Variants in SREBF2 observed in about 807,000 individuals in gnomAD.
The protein encoded by SREBF2 is sterol regulatory element-binding protein 2.
Under a neutral mutation model 113.1 loss-of-function variants are expected in SREBF2, and 55 were observed. The ratio of observed to expected loss-of-function variants is 0.49; its 90% CI spans 0.39 to 0.61. The LOEUF is 0.61. Among genes scored for constraint, SREBF2 ranks in the 20% least tolerant of loss-of-function variants. SREBF2 has a pLI of 0.00. For missense variants in SREBF2, 1,349 were observed against 1,487.4 expected (o/e 0.91, Z 1.53); for synonymous variants, 593 against 605.7 (o/e 0.98, Z 0.31).
chr22:41,840,631 G>C (rs924311372), intron 1 of SREBF2, among the ~76,000 whole-genome samples: 1 of 152,178 alleles, frequency 6.6e-6, no homozygotes, highest in South Asian at 2.1e-4. Context: ...TTTTATGTCA[G>C]AATTTTGAAG....
intron 4 of SREBF2, 21 bp downstream of exon 4, chr22:41,871,056 C>G (rs773022201): frequency 1.7e-5 from 28 of 1,613,846 alleles, no homozygotes; most frequent in African/African-American, 1.3e-4. Flanking sequence ...CCTTCTCCCC[C>G]ACCCTCCTCC....
At position 41,866,929 on chromosome 22, in the gene SREBF2, A is replaced by AGGAGCG; in HGVS notation, c.188_189insGAGCGG (p.Ser63delinsArgSerGly). 6.2e-7 allele frequency: 1 copy of AGGAGCG among 1,613,430 alleles called. No homozygotes were observed. The highest frequency in any genetic ancestry group is 8.5e-7 in the Non-Finnish European group (1 of 1,179,892). ...TCCTGGCAGTGGTGGTAGTGGTAGC[A>AGGAGCG]GCAGCGGCAGCAGTGGCAGCAGCAG... On this transcript the variant is annotated protein_altering_variant, in exon 2 of 19. Coordinates refer to ENST00000361204, the MANE Select transcript of SREBF2 (RefSeq NM_004599.4).
chr22:41,847,928 T>A (rs1327139661), intron 1 of SREBF2, among the ~76,000 whole-genome samples: 2 of 150,180 alleles, frequency 1.3e-5, no homozygotes, highest in Admixed American at 1.3e-4. Context: ...TTATTTTTTT[T>A]TTTTTGAGAC....
intron 1 of SREBF2, among the ~76,000 whole-genome samples, chr22:41,836,470 G>A (rs574261686): frequency 1.3e-5 from 2 of 152,328 alleles, no homozygotes; most frequent in East Asian, 3.9e-4. Context: ...GGGCCTTGGA[G>A]GACAAAAAGA....
At chr22:41,846,731 A>G (rs1172123893) in intron 1 of SREBF2, among the ~76,000 whole-genome samples, 4 of 152,140 alleles carry the variant, frequency 2.6e-5, no homozygotes, top group Non-Finnish European at 4.4e-5. Context: ...TTTGCCTGGA[A>G]TACCCTTCCC....
chr22:41,894,296 ACAGT>A (rs1481416348), intron 12 of SREBF2, among the ~76,000 whole-genome samples: 1 of 152,154 alleles, frequency 6.6e-6, no homozygotes, highest in Non-Finnish European at 1.5e-5. Flanking sequence ...CTTGCTGGTG[ACAGT>A]CAGCTATCCA....
chr22:41,838,504 G>A (rs935878180), intron 1 of SREBF2, among the ~76,000 whole-genome samples: 12 of 152,126 alleles, frequency 7.9e-5, no homozygotes, highest in African/African-American at 2.9e-4. Flanking sequence ...AGGCCGAGGA[G>A]GGTGGATCAC....
At chr22:41,900,991 A>G (rs77809319) in intron 16 of SREBF2, 148 of 531,212 alleles carry the variant, frequency 2.8e-4, no homozygotes, top group East Asian at 2.4e-3. Flanking sequence ...TACCCATGCA[A>G]TGTTTCCACA....
chr22:41,876,633 G>C (rs760619961), intron 7 of SREBF2, among the ~76,000 whole-genome samples: 6 of 152,116 alleles, frequency 3.9e-5, no homozygotes, highest in Non-Finnish European at 7.4e-5. Context: ...TTTAGAACAG[G>C]TAAAATCCTT....
Position 41,880,858 on chromosome 22 carries a change from G to T in SREBF2, c.1904G>T (p.Arg635Leu), listed in dbSNP as rs761326356. 1.6e-5 allele frequency: 26 copies of T among 1,613,840 alleles called. No individual in the cohort carries two copies. The highest frequency in any genetic ancestry group is 3.3e-5 in the Admixed American group (2 of 60,002). Residue 635 changes from arginine to leucine, a missense_variant, in exon 10 of 19, where the codon CGC becomes CTC. Arg to Leu is a moderately radical substitution (Grantham distance 102). Around this residue, in one of 2 missense-constraint regions of SREBF2, gnomAD observed 699 missense variants for 843.3 expected, o/e 0.83. Transcript: ENST00000361204. ...AGCCTGCAGAAGCTACGCCTGGTGC[G>T]CTGGCTGCTCAAGAAAGTCTTCCAG... Reference protein sequence around the residue: ...RYSLQKLRLVRWLLKKVFQCR... With the variant: ...RYSLQKLRLVLWLLKKVFQCR...
At chr22:41,838,499 G>A (rs1431843931) in intron 1 of SREBF2, among the ~76,000 whole-genome samples, 2 of 152,136 alleles carry the variant, frequency 1.3e-5, no homozygotes, top group Admixed American at 6.5e-5. Flanking sequence ...TTGGTAGGCC[G>A]AGGAGGGTGG....
chr22:41,862,623 A>G (rs528865599), intron 1 of SREBF2, among the ~76,000 whole-genome samples: 92 of 152,356 alleles, frequency 6.0e-4, no homozygotes, highest in African/African-American at 2.2e-3. Context: ...TGATCAGAGC[A>G]GGGAACAGTG....
chr22:41,870,153 C>CTATATTTTCTTACT, intron 3 of SREBF2, among the ~76,000 whole-genome samples: 1 of 152,274 alleles, frequency 6.6e-6, no homozygotes, highest in East Asian at 1.9e-4. Context: ...CACATCTGGC[C>CTATATTTTCTTACT]TATATTTTCT....
chr22:41,839,402 C>T (rs1241138241), intron 1 of SREBF2, among the ~76,000 whole-genome samples: 1 of 151,924 alleles, frequency 6.6e-6, no homozygotes, highest in Admixed American at 6.6e-5. Context: ...GTTAGCTTTT[C>T]AAGGAGTAGT....
In SREBF2 at chr22:41,875,505, AAGC is replaced by A. The variant is rs2077187490; in HGVS notation, c.1205-35_1205-33del. 3 of 1,614,092 alleles carry A rather than the reference AAGC, an allele frequency of 1.9e-6. No individual in the cohort carries two copies. The Admixed American group carries it at 5.0e-5, about 27-fold the overall frequency. On this transcript the variant is annotated intron_variant, in intron 6 of 18. Coordinates refer to ENST00000361204, the MANE Select transcript of SREBF2 (RefSeq NM_004599.4). ...CCCTGGCCCAGGTGGGGCTTTGTAA[AAGC>A]AGATCATTTTCACCAGGTGGGGTTT... is the stretch of plus-strand genomic sequence containing the variant.
intron 9 of SREBF2, 119 bp from the exon 10 acceptor site, chr22:41,880,597 G>A (rs779786467): frequency 3.4e-5 from 46 of 1,334,830 alleles, no homozygotes; most frequent in African/African-American, 1.8e-4. Flanking sequence ...AGTTTCCCTC[G>A]TTTTTATGAG....
chr22:41,869,293 C>G (rs1435899306), intron 3 of SREBF2, among the ~76,000 whole-genome samples: 3 of 112,386 alleles, frequency 2.7e-5, no homozygotes, highest in Non-Finnish European at 5.3e-5. Context: ...TTAGTAGAGA[C>G]GGGATGTTGG....
intron 17 of SREBF2, chr22:41,904,447 A>C: frequency 2.5e-6 from 1 of 403,316 alleles, no homozygotes. Flanking sequence ...AGATACGGAA[A>C]GAGGATACCA....
chr22:41,860,248 A>C lies in SREBF2; in HGVS notation c.89-6583A>C, dbSNP rs368182623. 1.1e-4 allele frequency among the ~76,000 whole-genome samples: 16 copies of C among 152,282 alleles called. 1 individual carries two copies. The highest frequency in any genetic ancestry group is 9.6e-4 in the East Asian group (5 of 5,186). On this transcript the variant is annotated intron_variant, in intron 1 of 18. Transcript: ENST00000361204. The stretch of plus-strand genomic sequence containing the variant: ...GAAGTTTTTTAAATCAGTGAAAAAA[A>C]AAAAAAGACAAAATAGCCTGATAGC...
Sources: gnomAD v4.1 joint callset for allele counts (sites outside exome capture counted in the v4.1 genomes callset) on GRCh38, gnomAD v4.1.1 for gene constraint, gnomAD v4.1.1 regional missense constraint, MANE v1.5 for transcripts, NCBI Gene and HGNC (gene_info 2026-07-23, HGNC 2026-07-21) for gene names.